Variants in MYO16 observed in about 807,000 individuals in gnomAD.
MYO16 encodes the protein unconventional myosin-XVI.
Under a neutral mutation model 205.3 loss-of-function variants are expected in MYO16, and 94 were observed. That is an observed-to-expected ratio of 0.46 (90% CI 0.39 to 0.54). The LOEUF is 0.54. Ranked by LOEUF, MYO16 falls within the 20% of genes least tolerant of loss-of-function variation. The pLI is 0.00. For synonymous variants in MYO16, 988 were observed against 954.0 expected (o/e 1.04, Z -0.66); for missense variants, 2,315 against 2,387.5 (o/e 0.97, Z 0.63).
At chr13:108,740,651 C>T (rs922783015) in intron 4 of MYO16, among the ~76,000 whole-genome samples, 1 of 152,180 alleles carries the variant, frequency 6.6e-6, no homozygotes, top group Non-Finnish European at 1.5e-5. Context: ...AACCACTACT[C>T]TCTTCAAAGC....
intron 16 of MYO16, among the ~76,000 whole-genome samples, chr13:108,923,803 C>G (rs1881855041): frequency 6.6e-6 from 1 of 151,926 alleles, no homozygotes; most frequent in East Asian, 1.9e-4. Context: ...CACACCGTGA[C>G]TTCATAGTAA....
chr13:108,509,775 T>G, the MYO16 span, among the ~76,000 whole-genome samples: 1 of 152,196 alleles, frequency 6.6e-6, no homozygotes, highest in African/African-American at 2.4e-5. Context: ...TATGCACATG[T>G]ACCCTAAAAC....
chr13:108,603,784 G>A (rs959873486), intron 1 of MYO16, among the ~76,000 whole-genome samples: 4 of 152,128 alleles, frequency 2.6e-5, no homozygotes, highest in South Asian at 2.1e-4. Context: ...CTATTTGCCT[G>A]TCTCTCAGTC....
chr13:109,038,591 G>C (rs139333644), intron 23 of MYO16, among the ~76,000 whole-genome samples: 7 of 151,876 alleles, frequency 4.6e-5, no homozygotes, highest in Non-Finnish European at 1.5e-5. Flanking sequence ...ATAATTATGT[G>C]AGCCAATAAC....
At chr13:108,509,739 T>A in the MYO16 span, among the ~76,000 whole-genome samples, 1 of 152,348 alleles carries the variant, frequency 6.6e-6, no homozygotes, top group African/African-American at 2.4e-5. Context: ...ATGGCACATG[T>A]ATACATATGT....
intron 4 of MYO16, among the ~76,000 whole-genome samples, chr13:108,770,432 A>G (rs1347443365): frequency 1.3e-5 from 2 of 152,212 alleles, no homozygotes; most frequent in African/African-American, 4.8e-5. Context: ...TCTGTAAAAT[A>G]TATATTAAAT....
chr13:109,205,526 G>A (rs927427811), intron 34 of MYO16, among the ~76,000 whole-genome samples: 3 of 152,196 alleles, frequency 2.0e-5, no homozygotes, highest in Admixed American at 2.0e-4. Context: ...GAGGTAGGAT[G>A]AGTCATCTCA....
At chr13:108,775,760 C>T (rs558283225) in intron 4 of MYO16, among the ~76,000 whole-genome samples, 6 of 152,216 alleles carry the variant, frequency 3.9e-5, no homozygotes, top group South Asian at 2.1e-4. Flanking sequence ...GTCTTCTGAG[C>T]GGTGCACACA....
At chr13:109,065,752 G>A (rs1463783972) in intron 27 of MYO16, among the ~76,000 whole-genome samples, 2 of 152,044 alleles carry the variant, frequency 1.3e-5, no homozygotes, top group Non-Finnish European at 2.9e-5. Flanking sequence ...TCTTCATCCC[G>A]GCTTATGAGG....
chr13:108,851,955 C>G (rs189150643), intron 10 of MYO16, among the ~76,000 whole-genome samples: 2 of 152,138 alleles, frequency 1.3e-5, no homozygotes, highest in Admixed American at 6.5e-5. Context: ...ACCTCCTCCA[C>G]GCCAGGGCAT....
At chr13:108,712,587 A>G (rs1883762363) in intron 2 of MYO16, 74 bp from the exon 3 acceptor site, 3 of 1,312,130 alleles carry the variant, frequency 2.3e-6, no homozygotes, top group Non-Finnish European at 3.3e-6. Flanking sequence ...GATATTAACG[A>G]AAGCCTACAC....
chr13:109,089,739 T>G (rs901414442), intron 27 of MYO16, among the ~76,000 whole-genome samples: 1 of 152,220 alleles, frequency 6.6e-6, no homozygotes, highest in African/African-American at 2.4e-5. Context: ...ATTCTGGAGT[T>G]GTTGTGAGAA....
rs1186561491 is a variant in MYO16, at chr13:108,667,315, G to GTTTTTT, written c.292+1170_292+1171insTTTTTT. Reference sequence around the variant, plus strand: ...AAACTGTAATATTCTGAGAATTTCTGTTTTGTTTTTTTTTTTTTTTTGTCT... The same window carrying GTTTTTT: ...AAACTGTAATATTCTGAGAATTTCTGTTTTTTTTTTGTTTTTTTTTTTTTTTTGTCT... On this transcript the variant is annotated intron_variant, in intron 2 of 34. Coordinates refer to ENST00000457511, the MANE Select transcript of MYO16 (RefSeq NM_001198950.3). Among the ~76,000 whole-genome samples, 54 of 118,292 alleles carry GTTTTTT rather than the reference G, an allele frequency of 4.6e-4. 3 individuals carry two copies. Among genetic ancestry groups the GTTTTTT allele is most frequent in the African/African-American group, 1.3e-3 (41 of 31,110 alleles). The allele number at this position is 118,292 out of a possible 152,430, so 77.6% of individuals were successfully genotyped here. A position where few individuals can be genotyped will look rare whatever the true frequency, so the allele number is the denominator to read the frequency against.
chr13:108,707,699 C>T (rs1883565838), intron 2 of MYO16, among the ~76,000 whole-genome samples: 3 of 152,228 alleles, frequency 2.0e-5, no homozygotes. Context: ...TTGCCACTTA[C>T]TAATTCTGTC....
At chr13:109,061,618 G>A (rs530048988) in intron 27 of MYO16, among the ~76,000 whole-genome samples, 5 of 152,198 alleles carry the variant, frequency 3.3e-5, no homozygotes, top group Admixed American at 2.6e-4. Context: ...TTCTTATATC[G>A]GTGTGGTTTG....
Position 109,055,051 on chromosome 13 carries a change from A to T in MYO16, c.3054A>T (p.Leu1018Phe), listed in dbSNP as rs570510297. 6.0e-5 allele frequency: 93 copies of T among 1,553,110 alleles called. No individual in the cohort carries two copies. The Admixed American group carries it at 1.5e-3, about 24-fold the overall frequency. Residue 1018 changes from leucine to phenylalanine, a missense_variant, in exon 26 of 35, where the codon TTA becomes TTT. Leu to Phe is a conservative substitution (Grantham distance 22). Coordinates refer to ENST00000457511, the MANE Select transcript of MYO16 (RefSeq NM_001198950.3). This position sits in a 1 kb window ranked among gnomAD's most constrained non-coding sequence, Gnocchi z 5.0. Reference protein sequence around the residue: ...NKNYLELSKLLKKKGTSTFLQ... With the variant: ...NKNYLELSKLFKKKGTSTFLQ... ...TGTCTTTCTTTTTATTACAGTTATT[A>T]AAAAAGAAAGGAACTTCTACATTTC...
At chr13:108,570,641 G>T in the MYO16 span, among the ~76,000 whole-genome samples, 1 of 152,154 alleles carries the variant, frequency 6.6e-6, no homozygotes, top group African/African-American at 2.4e-5. Context: ...TTACCTGTTT[G>T]CTTACTTTGG....
intron 33 of MYO16, among the ~76,000 whole-genome samples, chr13:109,175,916 T>G (rs1475401442): frequency 6.6e-6 from 1 of 151,926 alleles, no homozygotes; most frequent in Non-Finnish European, 1.5e-5. Context: ...TGCTTAGCAA[T>G]GTTCCCTTTA....
chr13:108,984,848 G>A (rs932104317), intron 20 of MYO16, among the ~76,000 whole-genome samples: 1 of 152,078 alleles, frequency 6.6e-6, no homozygotes. Context: ...TCCTTTTGTG[G>A]CATGAGATCT....
Sources: allele counts gnomAD v4.1 joint callset (sites outside exome capture counted in the v4.1 genomes callset), GRCh38; gene constraint gnomAD v4.1.1; non-coding constraint Gnocchi (gnomAD v3.1); transcripts MANE v1.5; gene names NCBI Gene and HGNC (gene_info 2026-07-23, HGNC 2026-07-21).